The following LARGE2 variants were observed in gnomAD, a reference collection of about 807,000 sequenced individuals.
LARGE2 encodes LARGE xylosyl- and glucuronyltransferase 2, also known as xylosyl- and glucuronyltransferase LARGE2.
A neutral mutation model predicts 75.3 loss-of-function variants in LARGE2; 63 were observed. That is an observed-to-expected ratio of 0.84 (90% CI 0.68 to 1.03). The LOEUF (loss-of-function observed/expected upper bound fraction) is 1.03. LARGE2 is among the 50% of genes least tolerant of loss of function. The pLI, the probability that LARGE2 is intolerant of heterozygous loss-of-function variation, is 0.00. For missense variants in LARGE2, 925 were observed against 980.6 expected, an observed-to-expected ratio of 0.94 and a Z score of 0.76; for synonymous variants, 428 against 420.1, an observed-to-expected ratio of 1.02 and a Z score of -0.23.
rs1415711899 is a variant in LARGE2, at chr11:45,927,589, C to T, written c.1600C>T (p.Leu534Phe). The T allele has an allele frequency of 6.2e-7, 1 of 1,612,852 alleles. No homozygotes were observed. Among genetic ancestry groups the T allele is most frequent in the East Asian group, 2.2e-5 (1 of 44,878 alleles). The change falls in exon 11 of 14, where the codon CTC (leucine) becomes TTC (phenylalanine). Residue 534 changes from leucine to phenylalanine, a missense_variant. By Grantham distance (22) the Leu-to-Phe change is conservative (BLOSUM62 0). Around this residue, in one of 3 missense-constraint regions of LARGE2, gnomAD observed 469 missense variants for 503.8 expected, o/e 0.93. Coordinates refer to ENST00000401752, the MANE Select transcript of LARGE2 (RefSeq NM_001300721.2). ...GCCTGCCTATTCTCTCTACGACTACCTCAGGTGGGCCTGCAGGCAGAGAGG... is the reference window on the plus strand; with the variant it reads ...GCCTGCCTATTCTCTCTACGACTACTTCAGGTGGGCCTGCAGGCAGAGAGG... Reference protein sequence around the residue: ...FLPAYSLYDYLRASIEQLGLG... With the variant: ...FLPAYSLYDYFRASIEQLGLG...
In LARGE2 at chr11:45,927,521, A is replaced by G. The variant is rs188854143; in HGVS notation, c.1532A>G (p.Gln511Arg). Residue 511 changes from glutamine to arginine, a missense_variant, in exon 11 of 14, where the codon CAG becomes CGG. By Grantham distance (43) the Gln-to-Arg change is conservative. Transcript: ENST00000401752. ...CAGCTTCGCAACGTGGCCTTGGCCC[A>G]GGCCCTCACGCCTTACGTCTTCCTC... ...VNQLRNVALA[Q>R]ALTPYVFLSD... 4.6e-5 allele frequency: 74 copies of G among 1,614,204 alleles called. No homozygotes were observed. Among genetic ancestry groups the G allele is most frequent in the African/African-American group, 1.3e-5 (1 of 75,072 alleles).
Position 45,923,137 on chromosome 11 carries a change from C to A in LARGE2, c.255C>A (p.Gly85=). The change falls in exon 2 of 14, where the codon GGC becomes GGA. Residue 85 remains glycine (G), a synonymous_variant. Transcript: ENST00000401752. ...GPGDHNRSDC[G]PQPPPPPKCE... ...GGGACCACAACCGCTCCGACTGCGG[C>A]CCGCAGCCGCCGCCGCCGCCCAAGT... The A allele has an allele frequency of 7.4e-7, 1 of 1,351,344 alleles. No individual in the cohort carries two copies. The highest frequency in any genetic ancestry group is 9.4e-7 in the Non-Finnish European group (1 of 1,060,440). 83.7% of individuals were successfully genotyped at this position (1,351,344 alleles called of 1,614,324 possible).
rs925483188 is a variant in LARGE2, at chr11:45,928,989, G to A, written c.*144G>A. On this transcript the variant is annotated 3_prime_UTR_variant, in exon 14 of 14. Coordinates refer to ENST00000401752, the MANE Select transcript of LARGE2 (RefSeq NM_001300721.2). Reference sequence around the variant, plus strand: ...TGTGGGGTGGGGTCTTCCCCTTGCTGCTATTGTATGGCTGGGGACTGGTCT... The same window carrying A: ...TGTGGGGTGGGGTCTTCCCCTTGCTACTATTGTATGGCTGGGGACTGGTCT... 4 of 1,094,308 alleles carry A rather than the reference G, an allele frequency of 3.7e-6. No individual in the cohort carries two copies. The highest frequency in any genetic ancestry group is 3.9e-6 in the Non-Finnish European group (3 of 770,540). 67.8% of individuals were successfully genotyped at this position (1,094,308 alleles called of 1,614,324 possible).
intron 13 of LARGE2, 111 bp downstream of exon 13, chr11:45,928,483 T>C: frequency 6.5e-7 from 1 of 1,528,258 alleles, no homozygotes; most frequent in Non-Finnish European, 8.8e-7. Context: ...GTTAGAAATG[T>C]CCCCCTTCTG....
upstream of LARGE2, chr11:45,922,635 T>TCGAGGG: frequency 3.2e-6 from 1 of 314,618 alleles, no homozygotes; most frequent in Non-Finnish European, 5.8e-6. Context: ...TGAGCCCAGG[T>TCGAGGG]CGGGGGCGGG....
intron 10 of LARGE2, 48 bp from the exon 11 acceptor site, chr11:45,927,267 C>A (rs777748198): frequency 1.3e-6 from 2 of 1,567,394 alleles, no homozygotes; most frequent in Non-Finnish European, 1.7e-6. Flanking sequence ...CCTCCCTGAG[C>A]TCCTGTGCAA....
chr11:45,923,562 C>G lies in LARGE2; in HGVS notation c.368+7C>G. The G allele has an allele frequency of 1.2e-6, 2 of 1,613,012 alleles. No homozygotes were observed. The highest frequency in any genetic ancestry group is 1.1e-5 in the South Asian group (1 of 91,072). ...AGTCCATGCTCTTCTACAGGTACAG[C>G]CAGGTGTCCGTGGAGGAGGGTCAGG... On this transcript the variant is annotated splice_region_variant and intron_variant, in intron 3 of 13. Coordinates refer to ENST00000401752, the MANE Select transcript of LARGE2 (RefSeq NM_001300721.2).
rs368096853 is a variant in LARGE2, at chr11:45,924,918, G to T, written c.769+29G>T. ...GGGACAGTGGTGAGGGGAGGCAGGC[G>T]GGGTGGTCTGCTGGTCCTTGGGCCC... On this transcript the variant is annotated intron_variant, in intron 6 of 13. Coordinates refer to ENST00000401752, the MANE Select transcript of LARGE2 (RefSeq NM_001300721.2). 4.4e-6 allele frequency: 6 copies of T among 1,378,454 alleles called. No homozygotes were observed. The South Asian group carries it at 6.2e-5, about 14-fold the overall frequency. The allele number at this position is 1,378,454 out of a possible 1,614,324, so 85.4% of individuals were successfully genotyped here.
chr11:45,924,735 C>T, intron 5 of LARGE2, 50 bp from the exon 6 acceptor site: 1 of 1,544,502 alleles, frequency 6.5e-7, no homozygotes, highest in African/African-American at 1.4e-5. Context: ...AGCCCTGAGC[C>T]CAGGTCCTGT....
chr11:45,924,419 C>G (rs2087060306), intron 4 of LARGE2, 87 bp from the exon 5 acceptor site: 2 of 1,564,432 alleles, frequency 1.3e-6, no homozygotes, highest in East Asian at 4.5e-5. Context: ...GGGGTTTACC[C>G]CCTCTCCTCT....
In LARGE2 at chr11:45,924,283, G is replaced by T; in HGVS notation, c.492+6G>T. ...ATCATGCCGACCAGCTCAAGGCAGG[G>T]GCCCAGCCCTTCCCCCCTCCCCTCA... On this transcript the variant is annotated splice_donor_region_variant and intron_variant, in intron 4 of 13. Coordinates refer to ENST00000401752, the MANE Select transcript of LARGE2 (RefSeq NM_001300721.2). 6.2e-7 allele frequency: 1 copy of T among 1,612,634 alleles called. No homozygotes were observed. Among genetic ancestry groups the T allele is most frequent in the African/African-American group, 1.3e-5 (1 of 75,044 alleles).
rs1266764839 is a variant in LARGE2 at position 45,924,539 on chromosome 11, T to C, written c.526T>C (p.Ser176Pro). 1.9e-6 allele frequency: 3 copies of C among 1,613,506 alleles called. No individual in the cohort carries two copies. The highest frequency in any genetic ancestry group is 2.7e-5 in the African/African-American group (2 of 74,904). The change falls in exon 5 of 14, where the codon TCC becomes CCC. Residue 176 changes from serine (S) to proline (P), a missense_variant. This residue lies in a region of LARGE2 where 453 missense variants were observed against 460.2 expected (regional missense o/e 0.98). Coordinates refer to ENST00000401752, the MANE Select transcript of LARGE2 (RefSeq NM_001300721.2). ...CTCCTGGATCCCCAACAAGCACTAC[T>C]CCGGCCTCTATGGGCTAATGAAGCT... ...QVSWIPNKHY[S>P]GLYGLMKLVL...
In LARGE2 at chr11:45,928,339, C is replaced by A. The variant is rs749592444; in HGVS notation, c.1917C>A (p.Asn639Lys). ...CTCGCTTTGTGGGCTTCGGCTGGAA[C>A]AAAGTGGCCCACATTGTGGAGCTGG... ...YDPRFVGFGW[N>K]KVAHIVELDA... Residue 639 changes from asparagine (N) to lysine (K), a missense_variant, in exon 13 of 14, where the codon AAC becomes AAA. By Grantham distance (94) the Asn-to-Lys change is moderately conservative. Transcript: ENST00000401752. The A allele has an allele frequency of 8.7e-6, 14 of 1,614,026 alleles. No homozygotes were observed. Among genetic ancestry groups the A allele is most frequent in the Non-Finnish European group, 1.2e-5 (14 of 1,180,030 alleles).
chr11:45,924,726 G>T, intron 5 of LARGE2, 49 bp downstream of exon 5: 1 of 1,555,968 alleles, frequency 6.4e-7, no homozygotes, highest in South Asian at 1.2e-5. Flanking sequence ...CCTGCATCCA[G>T]CCCTGAGCCC....
chr11:45,922,754 C>A (rs1038141156), intron 1 of LARGE2, 26 bp downstream of exon 1: 7 of 745,032 alleles, frequency 9.4e-6, no homozygotes, highest in Admixed American at 4.5e-5. Flanking sequence ...CGGCGCGAGC[C>A]GCACAACCCG....
chr11:45,927,906 G>C lies in LARGE2; in HGVS notation c.1605-14G>C. ...CCCCGCTCTTCTCCCCTGCTCATGG[G>C]TGCTCCTCCTCAGGGCCTCCATTGA... On this transcript the variant is annotated splice_polypyrimidine_tract_variant and intron_variant, in intron 11 of 13. Coordinates refer to ENST00000401752, the MANE Select transcript of LARGE2 (RefSeq NM_001300721.2). 1.2e-6 allele frequency: 2 copies of C among 1,612,172 alleles called. No individual in the cohort carries two copies. The highest frequency in any genetic ancestry group is 2.2e-5 in the South Asian group (2 of 90,938).
upstream of LARGE2, among the ~76,000 whole-genome samples, chr11:45,922,345 G>A (rs1487400774): frequency 6.6e-6 from 1 of 152,154 alleles, no homozygotes; most frequent in Non-Finnish European, 1.5e-5. Context: ...CCGGGCCCGG[G>A]GACACTGGCC....
chr11:45,928,946 G>A lies in LARGE2; in HGVS notation c.*101G>A, dbSNP rs1318877451. ...TTAAATTATTTAAGGTCTCTGGGAA[G>A]GGCTGGGGCAGAGCATCTGTGGGGT... On this transcript the variant is annotated 3_prime_UTR_variant, in exon 14 of 14. Transcript: ENST00000401752. 1 of 1,473,722 alleles carries A rather than the reference G, an allele frequency of 6.8e-7. No individual in the cohort carries two copies. Among genetic ancestry groups the A allele is most frequent in the Non-Finnish European group, 9.2e-7 (1 of 1,089,366 alleles). 91.3% of individuals were successfully genotyped at this position (1,473,722 alleles called of 1,614,324 possible).
Position 45,927,471 on chromosome 11 carries a change from T to C in LARGE2, c.1482T>C (p.Arg494=), listed in dbSNP as rs2087209418. 2 of 1,614,092 alleles carry C rather than the reference T, an allele frequency of 1.2e-6. No individual in the cohort carries two copies. The highest frequency in any genetic ancestry group is 1.3e-5 in the African/African-American group (1 of 74,940). Residue 494 remains arginine (R), a synonymous_variant, in exon 11 of 14, where the codon CGT becomes CGC. Coordinates refer to ENST00000401752, the MANE Select transcript of LARGE2 (RefSeq NM_001300721.2). ...ACGTGGCCTACCATGTGGTGTACCG[T>C]GAGGGGCCCCTATACCCCGTCAACC... ...RQDVAYHVVY[R]EGPLYPVNQL... is the part of the protein sequence containing the mutation.
Sources: gnomAD v4.1 joint callset for allele counts (sites outside exome capture counted in the v4.1 genomes callset) on GRCh38, gnomAD v4.1.1 for gene constraint, gnomAD v4.1.1 regional missense constraint, MANE v1.5 for transcripts, NCBI Gene and HGNC (gene_info 2026-07-23, HGNC 2026-07-21) for gene names.